Variants in SETBP1 observed in about 807,000 individuals in gnomAD.
SETBP1 encodes SET binding protein 1.
A neutral mutation model predicts 101.0 loss-of-function variants in SETBP1; 9 were observed. That is an observed-to-expected ratio of 0.09 (90% confidence interval 0.05 to 0.16). The LOEUF is 0.16. SETBP1 is among the 10% of genes least tolerant of loss of function. SETBP1 has a pLI of 1.00. For missense variants in SETBP1, 1,858 were observed against 2,033.8 expected (o/e 0.91, Z 1.66); for synonymous variants, 818 against 788.5 (o/e 1.04, Z -0.63).
At chr18:44,896,194 A>G (rs954893938) in intron 3 of SETBP1, among the ~76,000 whole-genome samples, 13 of 152,278 alleles carry the variant, frequency 8.5e-5, no homozygotes, top group Middle Eastern at 6.8e-3. Context: ...CTCAGCACAC[A>G]ATCTTTGAAT....
Position 44,946,274 on chromosome 18 carries a change from G to T in SETBP1, c.541-3607G>T, listed in dbSNP as rs914815404. 1.1e-4 allele frequency among the ~76,000 whole-genome samples: 17 copies of T among 152,200 alleles called. 1 individual carries two copies. Among genetic ancestry groups the T allele is most frequent in the Non-Finnish European group, 5.9e-5 (4 of 68,046 alleles). The stretch of plus-strand genomic sequence containing the variant: ...AGCAGGGCAGACTGCAGCTGAAATG[G>T]TAGGAACAATGGGATCAGGCAGTGG... On this transcript the variant is annotated intron_variant, in intron 3 of 5. Coordinates refer to ENST00000649279, the MANE Select transcript of SETBP1 (RefSeq NM_015559.3).
chr18:44,890,955 A>G (rs927402908), intron 3 of SETBP1, among the ~76,000 whole-genome samples: 3 of 152,142 alleles, frequency 2.0e-5, no homozygotes, highest in African/African-American at 4.8e-5. Flanking sequence ...AGGAAGGGGT[A>G]TTAGTCTGTT....
chr18:44,960,084 A>G (rs2071577923), intron 4 of SETBP1, among the ~76,000 whole-genome samples: 2 of 152,026 alleles, frequency 1.3e-5, no homozygotes, highest in Non-Finnish European at 1.5e-5. Flanking sequence ...TTTAGTAGAG[A>G]CAGGGTCTCA....
intron 4 of SETBP1, among the ~76,000 whole-genome samples, chr18:45,034,386 C>G (rs76794392): frequency 1.1e-4 from 16 of 152,086 alleles, no homozygotes; most frequent in Non-Finnish European, 2.1e-4. Context: ...GCTTCTGCAT[C>G]GAAGGAGCAG....
chr18:44,966,349 A>G (rs28591424), intron 4 of SETBP1, among the ~76,000 whole-genome samples: 7,966 of 152,212 alleles, frequency 0.052, 732 homozygotes, highest in African/African-American at 0.18. Flanking sequence ...CTGAGTGTGC[A>G]ATCACCACAC....
At chr18:45,049,087 T>G (rs1470836243) in intron 5 of SETBP1, among the ~76,000 whole-genome samples, 3 of 151,134 alleles carry the variant, frequency 2.0e-5, no homozygotes, top group African/African-American at 7.3e-5. Context: ...GACCAAATAG[T>G]ATTTTTAAAT....
At chr18:44,861,812 T>C (rs1004711403) in intron 2 of SETBP1, among the ~76,000 whole-genome samples, 1 of 152,212 alleles carries the variant, frequency 6.6e-6, no homozygotes, top group Non-Finnish European at 1.5e-5. Context: ...CCGCAGAAGA[T>C]GCCCTACATA....
intron 4 of SETBP1, among the ~76,000 whole-genome samples, chr18:45,030,537 G>A (rs1378478530): frequency 6.8e-6 from 1 of 146,146 alleles, no homozygotes; most frequent in Non-Finnish European, 1.5e-5. Flanking sequence ...AAATGAGTTA[G>A]GGAGGATTCC....
Position 44,953,141 on chromosome 18 carries a change from C to T in SETBP1, c.3801C>T (p.Gly1267=), listed in dbSNP as rs779157777. 35 of 1,613,966 alleles carry T rather than the reference C, an allele frequency of 2.2e-5. 1 individual carries two copies. The South Asian group carries it at 2.3e-4, about 11-fold the overall frequency. The change falls in exon 4 of 6, where the codon GGC becomes GGT. Residue 1267 remains glycine (G), a synonymous_variant. Transcript: ENST00000649279. ...GCACGAAAAGATACTCTGGCAGTGGCGGGGATGGTGGCAGCACGAGATCAG... is the reference window on the plus strand; with the variant it reads ...GCACGAAAAGATACTCTGGCAGTGGTGGGGATGGTGGCAGCACGAGATCAG... The part of the protein sequence containing the change: ...DSCTKRYSGS[G]GDGGSTRSEN...
chr18:44,886,145 G>A (rs992772508), intron 3 of SETBP1, among the ~76,000 whole-genome samples: 3 of 152,080 alleles, frequency 2.0e-5, no homozygotes, highest in African/African-American at 4.8e-5. Flanking sequence ...AAATTCAGGG[G>A]GATCAAGAAA....
intron 2 of SETBP1, among the ~76,000 whole-genome samples, chr18:44,802,762 G>T (rs529143503): frequency 7.2e-5 from 11 of 152,226 alleles, no homozygotes; most frequent in Non-Finnish European, 1.3e-4. Flanking sequence ...AATTATTCAG[G>T]TCAAGCATGG....
intron 2 of SETBP1, among the ~76,000 whole-genome samples, chr18:44,828,285 G>T (rs1599183975): frequency 6.6e-6 from 1 of 152,140 alleles, no homozygotes; most frequent in Non-Finnish European, 1.5e-5. Flanking sequence ...GGTGAAACAG[G>T]TTATCCATGG....
chr18:44,700,088 T>G (rs998200645), intron 1 of SETBP1, among the ~76,000 whole-genome samples: 2 of 152,152 alleles, frequency 1.3e-5, no homozygotes, highest in African/African-American at 4.8e-5. Flanking sequence ...GATGTGATGT[T>G]TGCAGCCCCA....
In SETBP1 at chr18:45,030,755, G is replaced by A. The variant is rs1378140535; in HGVS notation, c.4001-7730G>A. 5.8e-4 allele frequency among the ~76,000 whole-genome samples: 87 copies of A among 149,206 alleles called. 2 individuals carry two copies. The South Asian group carries it at 0.017, about 29-fold the overall frequency. ...TTAGTCTTGGGAGGGTGTATGTGTC[G>A]AGGAATTTATCCATTTCTTCTAGAT... is the stretch of plus-strand genomic sequence containing the variant. On this transcript the variant is annotated intron_variant, in intron 4 of 5. Transcript: ENST00000649279.
rs1237667858 is a variant in SETBP1 at position 45,068,376 on chromosome 18, T to C, written c.*4678T>C. The C allele has an allele frequency of 6.6e-6, 1 of 152,098 alleles. No homozygotes were observed. The highest frequency in any genetic ancestry group is 1.5e-5 in the Non-Finnish European group (1 of 68,032). The allele number at this position is 152,098 out of a possible 1,614,324, so 9.4% of individuals were successfully genotyped here. On this transcript the variant is annotated 3_prime_UTR_variant, in exon 6 of 6. Transcript: ENST00000649279. ...ATGTTGGGTTTTAAACATTTTTTTC[T>C]AAAAGAAAGCTCAGTCTTTTCCGCT... is the stretch of plus-strand genomic sequence containing the variant.
intron 3 of SETBP1, among the ~76,000 whole-genome samples, chr18:44,873,671 A>C (rs1287582949): frequency 3.3e-5 from 5 of 152,182 alleles, no homozygotes; most frequent in African/African-American, 1.2e-4. Flanking sequence ...GTGGAGCCTC[A>C]GAGGAGAGCA....
At chr18:44,893,568 C>A (rs2069821812) in intron 3 of SETBP1, among the ~76,000 whole-genome samples, 1 of 152,136 alleles carries the variant, frequency 6.6e-6, no homozygotes, top group Non-Finnish European at 1.5e-5. Flanking sequence ...TCTCTCCTCA[C>A]CCCGGTGTGG....
intron 5 of SETBP1, among the ~76,000 whole-genome samples, chr18:45,045,325 G>A (rs776655590): frequency 3.3e-5 from 5 of 152,146 alleles, no homozygotes; most frequent in Non-Finnish European, 7.4e-5. Context: ...TGGAGGCTGA[G>A]GCAAGAGAAT....
At chr18:44,798,630 A>T (rs941611011) in intron 2 of SETBP1, among the ~76,000 whole-genome samples, 4 of 152,182 alleles carry the variant, frequency 2.6e-5, no homozygotes, top group Non-Finnish European at 5.9e-5. Context: ...TTCCGGCAAC[A>T]GGGGCTTTCC....
Sources: allele counts gnomAD v4.1 joint callset (sites outside exome capture counted in the v4.1 genomes callset), GRCh38; gene constraint gnomAD v4.1.1; transcripts MANE v1.5; gene names NCBI Gene and HGNC (gene_info 2026-07-23, HGNC 2026-07-21).